Variants in IKZF4 observed in about 807,000 individuals in gnomAD.
The protein encoded by IKZF4 is IKAROS family zinc finger 4, also known as zinc finger protein Eos.
IKZF4 carries 11 observed loss-of-function variants against 47.7 expected under a neutral mutation model. The observed-to-expected ratio is 0.23, with a 90% confidence interval of 0.15 to 0.38. IKZF4 has a LOEUF of 0.38. Ranked by LOEUF, IKZF4 falls within the 10% of genes least tolerant of loss-of-function variation. IKZF4 has a pLI of 1.00. For missense variants in IKZF4, 557 were observed against 784.9 expected (o/e 0.71, Z 3.47); for synonymous variants, 298 against 299.4 (o/e 1.00, Z 0.05).
chr12:56,033,985 T>C (rs1339429840), intron 7 of IKZF4, among the ~76,000 whole-genome samples: 2 of 152,060 alleles, frequency 1.3e-5, no homozygotes, highest in South Asian at 2.1e-4. Context: ...CTGCAACCTC[T>C]GTCTCCCAGG....
At position 56,021,534 on chromosome 12, in the gene IKZF4, G is replaced by C; in HGVS notation, c.41G>C (p.Gly14Ala). ...GCACTCCCTCGCCGTTTCCAAGGCG[G>C]CGGCCGCGTTCGCACCCCAGGGTCT... ...PPALPRRFQG[G>A]GRVRTPGSHR... Residue 14 changes from glycine (G) to alanine (A), a missense_variant, in exon 1 of 8, where the codon GGC becomes GCC. Around this residue, in one of 6 missense-constraint regions of IKZF4, gnomAD observed 44 missense variants for 39.7 expected, o/e 1.11. Coordinates refer to ENST00000547167, the MANE Select transcript of IKZF4 (RefSeq NM_022465.4). 1 of 1,609,450 alleles carries C rather than the reference G, an allele frequency of 6.2e-7. No homozygotes were observed. Among genetic ancestry groups the C allele is most frequent in the Admixed American group, 1.7e-5 (1 of 59,446 alleles).
At position 56,036,172 on chromosome 12, in the gene IKZF4, T is replaced by G. The variant is rs1371363780; in HGVS notation, c.*841T>G. ...TACCGGTCTATTAAGTGGTGGCTTT[T>G]CTCTCCTTGGAGTGCCCCAATTTTA... On this transcript the variant is annotated 3_prime_UTR_variant, in exon 8 of 8. Coordinates refer to ENST00000547167, the MANE Select transcript of IKZF4 (RefSeq NM_022465.4). 6.6e-6 allele frequency: 1 copy of G among 152,546 alleles called. No homozygotes were observed. The highest frequency in any genetic ancestry group is 1.5e-5 in the Non-Finnish European group (1 of 68,016). The allele number at this position is 152,546 out of a possible 1,614,324, so 9.4% of individuals were successfully genotyped here. A position where few individuals can be genotyped will look rare whatever the true frequency, so the allele number is the denominator to read the frequency against.
At chr12:56,024,950 G>C in intron 2 of IKZF4, 104 bp from the exon 3 acceptor site, 1 of 1,538,708 alleles carries the variant, frequency 6.5e-7, no homozygotes, top group Non-Finnish European at 8.7e-7. Context: ...TGGCTATGAA[G>C]GAAATGTTTG....
Position 56,035,259 on chromosome 12 carries a change from C to A in IKZF4, c.1686C>A (p.Ile562=). The change falls in exon 8 of 8, where the codon ATC becomes ATA. Residue 562 remains isoleucine (I), a synonymous_variant. Transcript: ENST00000547167. This position sits in a 1 kb window ranked among gnomAD's most constrained non-coding sequence, Gnocchi z 6.1. ...TCAGAGACCCTTTTGAGTGCAACAT[C>A]TGTGGTTATCACAGCCAGGACCGGT... ...HGFRDPFECN[I]CGYHSQDRYE... 1.9e-6 allele frequency: 3 copies of A among 1,614,170 alleles called. No individual in the cohort carries two copies. The highest frequency in any genetic ancestry group is 2.5e-6 in the Non-Finnish European group (3 of 1,180,010).
chr12:56,033,673 C>T (rs904099207), intron 7 of IKZF4, among the ~76,000 whole-genome samples: 2 of 151,818 alleles, frequency 1.3e-5, no homozygotes, highest in African/African-American at 4.8e-5. Context: ...CGCCACTGCA[C>T]TCCATCCATC....
At chr12:56,018,836 C>A (rs1219700219), upstream of IKZF4, among the ~76,000 whole-genome samples, 1 of 151,984 alleles carries the variant, frequency 6.6e-6, no homozygotes, top group Non-Finnish European at 1.5e-5. Flanking sequence ...CGCCTGTAAT[C>A]CCAGCACTTT....
At chr12:56,016,019 C>A (rs999712195) in intron 2 of IKZF4, among the ~76,000 whole-genome samples, 1 of 152,062 alleles carries the variant, frequency 6.6e-6, no homozygotes. Flanking sequence ...CATGCCCTGG[C>A]TTCCTAGGGA....
intron 1 of IKZF4, among the ~76,000 whole-genome samples, chr12:56,008,420 A>G (rs1701706): frequency 0.76 from 116,161 of 152,018 alleles, 49,054 homozygotes; most frequent in East Asian, 1. Flanking sequence ...CCTGTGTACC[A>G]AAACAGCCCT....
At chr12:56,012,326 G>A (rs1426786828) in intron 2 of IKZF4, among the ~76,000 whole-genome samples, 1 of 148,296 alleles carries the variant, frequency 6.7e-6, no homozygotes, top group Non-Finnish European at 1.5e-5. Context: ...CCAGTCTGGA[G>A]TGCAATGGCC....
upstream of IKZF4, among the ~76,000 whole-genome samples, chr12:56,016,878 A>C (rs1260592344): frequency 6.6e-6 from 1 of 151,768 alleles, no homozygotes; most frequent in Non-Finnish European, 1.5e-5. Flanking sequence ...ACAGGTGTGA[A>C]CCAGTGTGCC....
chr12:56,022,403 T>A (rs1179851476), intron 1 of IKZF4, among the ~76,000 whole-genome samples: 2 of 152,146 alleles, frequency 1.3e-5, no homozygotes, highest in African/African-American at 2.4e-5. Flanking sequence ...AGCAAGAAAA[T>A]TTCTCAGAGA....
chr12:56,023,615 T>C (rs1185777249), intron 1 of IKZF4, 56 bp from the exon 2 acceptor site: 105 of 1,592,888 alleles, frequency 6.6e-5, no homozygotes, highest in Non-Finnish European at 8.7e-5. Flanking sequence ...GGAGAGGATA[T>C]GAATGGGAAA....
intron 7 of IKZF4, 25 bp from the exon 8 acceptor site, chr12:56,034,546 C>T: frequency 6.4e-7 from 1 of 1,571,570 alleles, no homozygotes; most frequent in Non-Finnish European, 8.6e-7. Flanking sequence ...CAAACCCAGC[C>T]CTGCTGAGTT....
rs747017110 is a variant in IKZF4 at position 56,026,897 on chromosome 12, C to A, written c.403C>A (p.Pro135Thr). 1.9e-6 allele frequency: 3 copies of A among 1,613,390 alleles called. No individual in the cohort carries two copies. The highest frequency in any genetic ancestry group is 2.5e-6 in the Non-Finnish European group (3 of 1,179,662). ...SVIVEDSLSE[P>T]LGYCDGSGPE... ...GATTGTGGAAGATTCATTGTCTGAGCCCCTGGGCTACTGTGATGGGAGTGG... is the reference window on the plus strand; with the variant it reads ...GATTGTGGAAGATTCATTGTCTGAGACCCTGGGCTACTGTGATGGGAGTGG... Residue 135 changes from proline (P) to threonine (T), a missense_variant, in exon 4 of 8, where the codon CCC becomes ACC. This residue lies in a region of IKZF4 where 112 missense variants were observed against 168.2 expected (regional missense o/e 0.67). Transcript: ENST00000547167.
intron 4 of IKZF4, 61 bp from the exon 5 acceptor site, chr12:56,027,719 T>C (rs866136679): frequency 3.2e-6 from 5 of 1,551,956 alleles, no homozygotes; most frequent in Non-Finnish European, 4.4e-6. Flanking sequence ...GGGTGGGTGA[T>C]AGGTTCAACC....
In IKZF4 at chr12:56,021,518, C is replaced by T. The variant is rs1290644698; in HGVS notation, c.25C>T (p.Arg9Cys). 5.6e-6 allele frequency: 9 copies of T among 1,607,604 alleles called. No homozygotes were observed. In the Middle Eastern group the frequency reaches 5.0e-4, roughly 89 times the overall value. ...CATGCATACACCACCCGCACTCCCT[C>T]GCCGTTTCCAAGGCGGCGGCCGCGT... MHTPPALP[R>C]RFQGGGRVRT... Residue 9 changes from arginine (R) to cysteine (C), a missense_variant, in exon 1 of 8, where the codon CGC (arginine) becomes TGC (cysteine). This residue lies in a region of IKZF4 where 44 missense variants were observed against 39.7 expected (regional missense o/e 1.11). Coordinates refer to ENST00000547167, the MANE Select transcript of IKZF4 (RefSeq NM_022465.4).
chr12:56,014,519 A>G (rs1164230447), intron 2 of IKZF4, among the ~76,000 whole-genome samples: 1 of 152,096 alleles, frequency 6.6e-6, no homozygotes, highest in African/African-American at 2.4e-5. Flanking sequence ...CACACACACA[A>G]AATAATATGA....
chr12:56,028,072 G>C, intron 5 of IKZF4, 125 bp downstream of exon 5: 1 of 1,069,372 alleles, frequency 9.4e-7, no homozygotes. Context: ...AGCATTTACA[G>C]AGCAGATAGG....
Position 56,021,627 on chromosome 12 carries a change from T to A in IKZF4, c.87+47T>A, listed in dbSNP as rs201191057. On this transcript the variant is annotated intron_variant, in intron 1 of 7. Transcript: ENST00000547167. ...CTAGTGGAGGGAGGAAGGGGGGTGC[T>A]GGGGCTAGGGAGCCAATTCAGTAAC... is the stretch of plus-strand genomic sequence containing the variant. The A allele has an allele frequency of 1.9e-3, 2,904 of 1,555,514 alleles. 9 individuals carry two copies. The highest frequency in any genetic ancestry group is 2.4e-3 in the Non-Finnish European group (2,709 of 1,152,686).
Sources: gnomAD v4.1 joint callset for allele counts (sites outside exome capture counted in the v4.1 genomes callset) on GRCh38, gnomAD v4.1.1 for gene constraint, gnomAD v4.1.1 regional missense constraint, Gnocchi (gnomAD v3.1) non-coding constraint, MANE v1.5 for transcripts, NCBI Gene and HGNC (gene_info 2026-07-23, HGNC 2026-07-21) for gene names.